The following TNRC6A variants were observed in gnomAD, a reference collection of about 807,000 sequenced individuals.
The protein encoded by TNRC6A is trinucleotide repeat-containing gene 6A protein.
TNRC6A carries 44 observed loss-of-function variants against 221.2 expected under a neutral mutation model. That is an observed-to-expected ratio of 0.20 (90% CI 0.16 to 0.26). The LOEUF is 0.26. TNRC6A is among the 10% of genes least tolerant of loss of function. The pLI, the probability that TNRC6A is intolerant of heterozygous loss-of-function variation, is 1.00. For synonymous variants in TNRC6A, 847 were observed against 838.5 expected (o/e 1.01, Z -0.18); for missense variants, 2,199 against 2,404.4 (o/e 0.91, Z 1.79).
intron 20 of TNRC6A, among the ~76,000 whole-genome samples, chr16:24,817,925 T>C (rs117283386): frequency 1.3e-5 from 2 of 152,174 alleles, no homozygotes; most frequent in Non-Finnish European, 2.9e-5. Flanking sequence ...AGTTTGAATT[T>C]GGTGTTAAAG....
At chr16:24,768,197 T>C (rs1047603421) in intron 4 of TNRC6A, among the ~76,000 whole-genome samples, 2 of 152,082 alleles carry the variant, frequency 1.3e-5, no homozygotes, top group Admixed American at 1.3e-4. Flanking sequence ...TTTGGGAGGC[T>C]GAGGCGGGCG....
intron 2 of TNRC6A, among the ~76,000 whole-genome samples, chr16:24,686,630 TG>T (rs1596492796): frequency 1.3e-5 from 2 of 152,186 alleles, no homozygotes; most frequent in African/African-American, 4.8e-5. Context: ...GCCAAAATGA[TG>T]TTGGAGCTGA....
intron 2 of TNRC6A, among the ~76,000 whole-genome samples, chr16:24,679,823 G>A (rs1382117697): frequency 1.3e-5 from 2 of 151,866 alleles, no homozygotes; most frequent in Non-Finnish European, 2.9e-5. Flanking sequence ...TGCCCAGGCT[G>A]GTCTTAAACT....
intron 2 of TNRC6A, among the ~76,000 whole-genome samples, chr16:24,675,698 C>CTA (rs2055402994): frequency 1.2e-3 from 80 of 66,528 alleles, no homozygotes; most frequent in Non-Finnish European, 1.6e-3. Flanking sequence ...CTCTCTCTCT[C>CTA]TCTCTATATA....
chr16:24,782,177 A>C (rs1393068473), intron 5 of TNRC6A, among the ~76,000 whole-genome samples: 2 of 152,186 alleles, frequency 1.3e-5, no homozygotes, highest in Admixed American at 1.3e-4. Context: ...TACTGCCATC[A>C]GTTGCAACAA....
At position 24,673,930 on chromosome 16, in the gene TNRC6A, C is replaced by G. The variant is rs1216277863; in HGVS notation, n.402+32921C>G. ...GATACAGTTGTCAATGACAAAAGTC[C>G]TCACCCTCGTGCAGCTTGGTGCATC... On this transcript the variant is annotated intron_variant and non_coding_transcript_variant, in intron 2 of 2. Coordinates refer to the TNRC6A transcript ENST00000566108. Among the ~76,000 whole-genome samples, 3 of 152,192 alleles carry G rather than the reference C, an allele frequency of 2.0e-5. No individual in the cohort carries two copies. The East Asian group carries it at 5.8e-4, about 29-fold the overall frequency.
intron 2 of TNRC6A, among the ~76,000 whole-genome samples, chr16:24,657,031 G>T (rs2054925773): frequency 6.6e-6 from 1 of 151,944 alleles, no homozygotes. Flanking sequence ...ACTCTAGAGA[G>T]GCGGGGCATG....
rs185551109 is a variant in TNRC6A, at chr16:24,696,887, C to T, written n.403-53839C>T. Reference sequence around the variant, plus strand: ...CCATTCCCCTTCTTTTTGCCTTGGTCATGGATGTGATGACCGGAGCTGAAG... The same window carrying T: ...CCATTCCCCTTCTTTTTGCCTTGGTTATGGATGTGATGACCGGAGCTGAAG... On this transcript the variant is annotated intron_variant and non_coding_transcript_variant, in intron 2 of 2. Transcript: ENST00000566108. Among the ~76,000 whole-genome samples the T allele has an allele frequency of 3.3e-5, 5 of 152,028 alleles. No individual in the cohort carries two copies. The East Asian group carries it at 9.7e-4, about 29-fold the overall frequency.
chr16:24,702,549 T>C (rs2056007736), intron 2 of TNRC6A, among the ~76,000 whole-genome samples: 1 of 152,180 alleles, frequency 6.6e-6, no homozygotes, highest in African/African-American at 2.4e-5. Flanking sequence ...TTGGACCATA[T>C]GAAATTGTCA....
chr16:24,695,536 A>C (rs1403336503), intron 2 of TNRC6A, among the ~76,000 whole-genome samples: 41 of 152,034 alleles, frequency 2.7e-4, no homozygotes, highest in Admixed American at 2.7e-3. Flanking sequence ...AGTAGCTGGG[A>C]TTACAGGCGC....
intron 8 of TNRC6A, 140 bp from the exon 9 acceptor site, chr16:24,795,767 C>CT (rs1397964858): frequency 3.1e-6 from 2 of 654,428 alleles, no homozygotes; most frequent in Non-Finnish European, 5.2e-6. Flanking sequence ...GAATTTGAGA[C>CT]TGGAAAAGGT....
At chr16:24,636,805 G>T (rs954953597) in intron 1 of TNRC6A, among the ~76,000 whole-genome samples, 8 of 152,190 alleles carry the variant, frequency 5.3e-5, no homozygotes, top group African/African-American at 1.9e-4. Flanking sequence ...GCAAAAGCAT[G>T]TAAATCCAGA....
chr16:24,786,042 T>C (rs1317537101), intron 5 of TNRC6A, among the ~76,000 whole-genome samples: 1 of 152,172 alleles, frequency 6.6e-6, no homozygotes, highest in East Asian at 1.9e-4. Context: ...AGGAGAGCAA[T>C]TTATACTCTG....
chr16:24,642,747 A>C (rs1902018571), intron 2 of TNRC6A, among the ~76,000 whole-genome samples: 1 of 151,914 alleles, frequency 6.6e-6, no homozygotes, highest in Non-Finnish European at 1.5e-5. Flanking sequence ...TTGAACCCGG[A>C]AGGTGGAGGT....
In TNRC6A at chr16:24,801,533, C is replaced by T. The variant is rs865979022; in HGVS notation, c.3695-2644C>T. 2.6e-3 allele frequency among the ~76,000 whole-genome samples: 313 copies of T among 121,564 alleles called. 3 individuals are homozygous for T. Among genetic ancestry groups the T allele is most frequent in the Non-Finnish European group, 3.9e-3 (219 of 55,832 alleles). 79.8% of individuals were successfully genotyped at this position (121,564 alleles called of 152,430 possible). ...TGGAAAAAATGTAACATGCTACTCT[C>T]TTTTTTTTTTTTTTTTTTGAGTTGG... On this transcript the variant is annotated intron_variant, in intron 11 of 24. Coordinates refer to ENST00000395799, the MANE Select transcript of TNRC6A (RefSeq NM_014494.4).
At position 24,820,344 on chromosome 16, in the gene TNRC6A, C is replaced by A. The variant is rs778604090; in HGVS notation, c.5286C>A (p.Asp1762Glu). 9.9e-6 allele frequency: 16 copies of A among 1,614,052 alleles called. No homozygotes were observed. The highest frequency in any genetic ancestry group is 1.4e-5 in the Non-Finnish European group (16 of 1,180,036). The change falls in exon 22 of 25, where the codon GAC (aspartate) becomes GAA (glutamate). Residue 1762 changes from aspartate (D) to glutamate (E), a missense_variant. Around this residue, in one of 8 missense-constraint regions of TNRC6A, gnomAD observed 449 missense variants for 579.7 expected, o/e 0.77. Coordinates refer to ENST00000395799, the MANE Select transcript of TNRC6A (RefSeq NM_014494.4). Reference protein sequence around the residue: ...LRIGGGWGNSDARYTPGSSWG... With the variant: ...LRIGGGWGNSEARYTPGSSWG... The stretch of plus-strand genomic sequence containing the variant: ...TAGGTGGAGGATGGGGAAATTCTGA[C>A]GCCAGATATACCCCAGGTAAGATGC...
chr16:24,611,946 T>C (rs558188457), intron 1 of TNRC6A, among the ~76,000 whole-genome samples: 1 of 151,846 alleles, frequency 6.6e-6, no homozygotes, highest in African/African-American at 2.4e-5. Flanking sequence ...ATACAAACAG[T>C]AGCCAAGCAT....
At chr16:24,612,247 TAAC>T (rs1156689374) in intron 1 of TNRC6A, among the ~76,000 whole-genome samples, 5 of 152,178 alleles carry the variant, frequency 3.3e-5, no homozygotes, top group African/African-American at 1.2e-4. Context: ...AAGAAACTTT[TAAC>T]AACGACAGAG....
intron 2 of TNRC6A, among the ~76,000 whole-genome samples, chr16:24,713,971 A>G (rs1003417654): frequency 6.6e-6 from 1 of 152,080 alleles, no homozygotes; most frequent in Non-Finnish European, 1.5e-5. Context: ...TAAACGATTC[A>G]ATTATGATTT....
Sources: allele counts gnomAD v4.1 joint callset (sites outside exome capture counted in the v4.1 genomes callset), GRCh38; gene constraint gnomAD v4.1.1; regional missense constraint gnomAD v4.1.1; transcripts MANE v1.5; gene names NCBI Gene and HGNC (gene_info 2026-07-23, HGNC 2026-07-21).